The following ATG7 variants were observed in gnomAD, a reference collection of about 807,000 sequenced individuals.
ATG7 encodes ubiquitin-like modifier-activating enzyme ATG7.
Under a neutral mutation model 82.4 loss-of-function variants are expected in ATG7, and 70 were observed. The observed-to-expected ratio is 0.85, with a 90% CI of 0.70 to 1.04. The LOEUF (loss-of-function observed/expected upper bound fraction) is 1.04, where lower values mean the gene tolerates loss of function less well. Ranked by LOEUF, ATG7 falls within the 50% of genes least tolerant of loss-of-function variation. The pLI, the probability that ATG7 is intolerant of heterozygous loss-of-function variation, is 0.00. For missense variants in ATG7, 792 were observed against 864.3 expected, an observed-to-expected ratio of 0.92 and a Z score of 1.05; for synonymous variants, 287 against 313.0, an observed-to-expected ratio of 0.92 and a Z score of 0.88.
chr3:11,399,139 G>A (rs1459096244), intron 19 of ATG7, among the ~76,000 whole-genome samples: 1 of 152,172 alleles, frequency 6.6e-6, no homozygotes, highest in African/African-American at 2.4e-5. Context: ...CTTAAGGCCA[G>A]GCATTCAAGA....
chr3:11,498,143 A>G, intron 20 of ATG7, among the ~76,000 whole-genome samples: 1 of 152,106 alleles, frequency 6.6e-6, no homozygotes, highest in East Asian at 1.9e-4. Flanking sequence ...ATCCCTGCAT[A>G]TATACACACA....
At position 11,333,921 on chromosome 3, in the gene ATG7, G is replaced by A. The variant is rs563150521; in HGVS notation, c.889+828G>A. Among the ~76,000 whole-genome samples the A allele has an allele frequency of 3.7e-3, 568 of 151,828 alleles. 4 individuals carry two copies. The highest frequency in any genetic ancestry group is 0.012 in the South Asian group (59 of 4,810). ...CACTACCACGCCCGGATAATTTTTTGTATTTTTAGTAGAGACGGGGTTTCA... is the reference window on the plus strand; with the variant it reads ...CACTACCACGCCCGGATAATTTTTTATATTTTTAGTAGAGACGGGGTTTCA... On this transcript the variant is annotated intron_variant, in intron 11 of 20. Coordinates refer to ENST00000693202, the MANE Select transcript of ATG7 (RefSeq NM_001349232.2).
chr3:11,509,910 C>T (rs776536540), intron 20 of ATG7, among the ~76,000 whole-genome samples: 7 of 152,144 alleles, frequency 4.6e-5, no homozygotes, highest in Non-Finnish European at 7.3e-5. Context: ...AGCCCAGGAT[C>T]CTGATAGTGA....
At chr3:11,544,923 T>G (rs1456318146) in intron 20 of ATG7, among the ~76,000 whole-genome samples, 1 of 152,162 alleles carries the variant, frequency 6.6e-6, no homozygotes, top group Non-Finnish European at 1.5e-5. Context: ...GGAAGTCAGA[T>G]GCACAGACTA....
At chr3:11,458,767 G>A (rs2086006162) in intron 20 of ATG7, among the ~76,000 whole-genome samples, 1 of 152,282 alleles carries the variant, frequency 6.6e-6, no homozygotes, top group South Asian at 2.1e-4. Flanking sequence ...TGGCCTAGTT[G>A]AGGGGTCCCC....
At chr3:11,483,784 C>T (rs1013350421) in intron 20 of ATG7, among the ~76,000 whole-genome samples, 4 of 152,056 alleles carry the variant, frequency 2.6e-5, no homozygotes, top group Non-Finnish European at 5.9e-5. Context: ...ACACAATGAC[C>T]CTGCAGCCAA....
At chr3:11,397,523 T>C (rs2079414536) in intron 19 of ATG7, among the ~76,000 whole-genome samples, 1 of 151,960 alleles carries the variant, frequency 6.6e-6, no homozygotes, top group Admixed American at 6.6e-5. Flanking sequence ...AGTGGTACGA[T>C]CTTGGGTCAC....
chr3:11,471,712 G>GA (rs2087540804), intron 20 of ATG7, among the ~76,000 whole-genome samples: 1 of 134,416 alleles, frequency 7.4e-6, no homozygotes, highest in Admixed American at 7.5e-5. Context: ...TTAGAACTCA[G>GA]AAAAGTACTT....
chr3:11,455,889 T>C (rs73019556), intron 20 of ATG7, among the ~76,000 whole-genome samples: 6,489 of 152,330 alleles, frequency 0.043, 194 homozygotes, highest in Middle Eastern at 0.092. Flanking sequence ...CTGTCTTATG[T>C]TCTTTCAAAC....
At chr3:11,496,997 G>T (rs889816448) in intron 20 of ATG7, among the ~76,000 whole-genome samples, 2 of 151,650 alleles carry the variant, frequency 1.3e-5, no homozygotes, top group Non-Finnish European at 2.9e-5. Context: ...GATTACAGGC[G>T]TGCACCACCA....
At chr3:11,417,924 C>T (rs1471714480) in intron 19 of ATG7, among the ~76,000 whole-genome samples, 1 of 151,330 alleles carries the variant, frequency 6.6e-6, no homozygotes, top group African/African-American at 2.4e-5. Flanking sequence ...CATTCTGCCT[C>T]AGCCTCCCGA....
At chr3:11,380,168 G>C (rs1176032470) in intron 19 of ATG7, 116 bp downstream of exon 19, 1 of 937,144 alleles carries the variant, frequency 1.1e-6, no homozygotes, top group Admixed American at 1.9e-5. Flanking sequence ...TGGGGGAAGG[G>C]TGGGGTCTAA....
intron 19 of ATG7, among the ~76,000 whole-genome samples, chr3:11,399,505 GGTAA>G (rs2079611785): frequency 6.6e-6 from 1 of 152,108 alleles, no homozygotes; most frequent in Admixed American, 6.6e-5. Flanking sequence ...GGTTTTAAGA[GGTAA>G]GTAAGGAGTT....
chr3:11,347,128 G>A (rs1203319297), intron 13 of ATG7, among the ~76,000 whole-genome samples: 1 of 152,192 alleles, frequency 6.6e-6, no homozygotes, highest in African/African-American at 2.4e-5. Flanking sequence ...CCTCTGGAGA[G>A]CTCATTCATT....
chr3:11,293,856 A>G (rs558430663), intron 3 of ATG7, among the ~76,000 whole-genome samples: 9 of 141,536 alleles, frequency 6.4e-5, no homozygotes, highest in Admixed American at 3.5e-4. Flanking sequence ...GTATCGAGAG[A>G]AAAAAAAAAA....
At chr3:11,392,463 A>AAAAC (rs71628709) in intron 19 of ATG7, among the ~76,000 whole-genome samples, 69,782 of 148,382 alleles carry the variant, frequency 0.47, 16,850 homozygotes, top group East Asian at 0.66. Flanking sequence ...AATCATTAAA[A>AAAAC]AAACAAACAA....
chr3:11,469,840 A>C (rs999801736), intron 20 of ATG7, among the ~76,000 whole-genome samples: 1 of 151,888 alleles, frequency 6.6e-6, no homozygotes, highest in Non-Finnish European at 1.5e-5. Context: ...TACCAAAAAA[A>C]GTAGCCAGGC....
At chr3:11,451,899 A>G (rs892408237) in intron 20 of ATG7, among the ~76,000 whole-genome samples, 12 of 151,126 alleles carry the variant, frequency 7.9e-5, no homozygotes, top group Non-Finnish European at 1.6e-4. Context: ...ACACACACAC[A>G]CAGACACACA....
chr3:11,489,348 C>T (rs973550896), intron 20 of ATG7, among the ~76,000 whole-genome samples: 67 of 151,926 alleles, frequency 4.4e-4, no homozygotes, highest in Non-Finnish European at 7.1e-4. Context: ...TTTTTTATTG[C>T]GTCTATTTGA....
Sources: allele counts gnomAD v4.1 joint callset (sites outside exome capture counted in the v4.1 genomes callset), GRCh38; gene constraint gnomAD v4.1.1; transcripts MANE v1.5; gene names NCBI Gene and HGNC (gene_info 2026-07-23, HGNC 2026-07-21).